The following PARD3 variants were observed in gnomAD, a reference collection of about 807,000 sequenced individuals.
PARD3 encodes partitioning defective 3 homolog.
PARD3 carries 75 observed loss-of-function variants against 155.4 expected under a neutral mutation model. That is an observed-to-expected ratio of 0.48 (90% CI 0.40 to 0.58). The LOEUF (loss-of-function observed/expected upper bound fraction) is 0.58. PARD3 is among the 20% of genes least tolerant of loss of function. The pLI is 0.00. For missense variants in PARD3, 1,642 were observed against 1,721.7 expected, an observed-to-expected ratio of 0.95 and a Z score of 0.82; for synonymous variants, 576 against 610.5, an observed-to-expected ratio of 0.94 and a Z score of 0.83.
chr10:34,545,485 T>C (rs1308277031), intron 2 of PARD3, among the ~76,000 whole-genome samples: 3 of 152,196 alleles, frequency 2.0e-5, no homozygotes, highest in Admixed American at 2.0e-4. Flanking sequence ...AAAAATATTA[T>C]AACTGCCTTA....
intron 24 of PARD3, among the ~76,000 whole-genome samples, chr10:34,115,211 CA>C (rs1003222249): frequency 6.6e-6 from 1 of 152,018 alleles, no homozygotes; most frequent in African/African-American, 2.4e-5. Flanking sequence ...CGGGAGGGTG[CA>C]GAGACACAGC....
At chr10:34,527,025 T>C (rs1385773814) in intron 2 of PARD3, among the ~76,000 whole-genome samples, 2 of 152,228 alleles carry the variant, frequency 1.3e-5, no homozygotes, top group Admixed American at 6.5e-5. Context: ...TGGAAAACTT[T>C]TCATTCTAAA....
At position 34,519,192 on chromosome 10, in the gene PARD3, C is replaced by T. The variant is rs2081974763; in HGVS notation, c.223-2033G>A. 2.0e-5 allele frequency among the ~76,000 whole-genome samples: 3 copies of T among 152,130 alleles called. No individual in the cohort carries two copies. In the South Asian group the frequency reaches 6.2e-4, roughly 32 times the overall value. ...GGAGTCTGAGGAAGAATGAGAACTA[C>T]ATGGAGTGGGAGGATAGAAAAAGGG... On this transcript the variant is annotated intron_variant, in intron 2 of 24. Coordinates refer to ENST00000374788, the MANE Select transcript of PARD3 (RefSeq NM_001184785.2).
chr10:34,375,755 A>T (rs1367249619), intron 10 of PARD3, among the ~76,000 whole-genome samples: 1 of 152,204 alleles, frequency 6.6e-6, no homozygotes, highest in Non-Finnish European at 1.5e-5. Flanking sequence ...CAAAAAAGAC[A>T]TTTTGTCCAA....
intron 1 of PARD3, among the ~76,000 whole-genome samples, chr10:34,787,802 A>G (rs1841163150): frequency 6.6e-6 from 1 of 150,744 alleles, no homozygotes; most frequent in African/African-American, 2.4e-5. Flanking sequence ...CTTTTGAGAC[A>G]GGGTGTCACT....
chr10:34,118,357 A>G (rs1042982175), intron 24 of PARD3, among the ~76,000 whole-genome samples: 4 of 152,162 alleles, frequency 2.6e-5, no homozygotes, highest in African/African-American at 7.2e-5. Flanking sequence ...AAAGAAATTC[A>G]TCTTTTCGAA....
intron 2 of PARD3, among the ~76,000 whole-genome samples, chr10:34,690,994 C>G (rs190643341): frequency 2.6e-5 from 4 of 152,180 alleles, no homozygotes; most frequent in Non-Finnish European, 5.9e-5. Flanking sequence ...AGGAGGAGCA[C>G]TTGAGCCCAC....
chr10:34,798,827 G>A (rs1166191040), intron 1 of PARD3, among the ~76,000 whole-genome samples: 4 of 152,230 alleles, frequency 2.6e-5, no homozygotes, highest in African/African-American at 7.2e-5. Context: ...ACAGTCCAAA[G>A]GCGAGCAGGG....
chr10:34,665,182 A>G (rs535584836), intron 2 of PARD3, among the ~76,000 whole-genome samples: 3 of 152,212 alleles, frequency 2.0e-5, no homozygotes, highest in Non-Finnish European at 4.4e-5. Context: ...GTTTATTAAA[A>G]TAGTAATTCA....
chr10:34,785,833 G>A (rs1049828828), intron 1 of PARD3, among the ~76,000 whole-genome samples: 9 of 151,856 alleles, frequency 5.9e-5, no homozygotes, highest in Non-Finnish European at 1.2e-4. Context: ...TAACATTCCA[G>A]AGAAGAAAAA....
At chr10:34,758,607 T>C (rs1189808032) in intron 1 of PARD3, among the ~76,000 whole-genome samples, 1 of 152,170 alleles carries the variant, frequency 6.6e-6, no homozygotes, top group African/African-American at 2.4e-5. Flanking sequence ...CATTTTCTAG[T>C]TGGGGCACTC....
chr10:34,384,350 T>A lies in PARD3; in HGVS notation c.891-96A>T, dbSNP rs1779150927. Reference sequence around the variant, plus strand: ...TGCTGTTATTATATTTACAAAGATGTCCTTACAAAGGAGCATGTTAAAATG... The same window carrying A: ...TGCTGTTATTATATTTACAAAGATGACCTTACAAAGGAGCATGTTAAAATG... On this transcript the variant is annotated intron_variant, in intron 7 of 24. Coordinates refer to ENST00000374788, the MANE Select transcript of PARD3 (RefSeq NM_001184785.2). 4 of 1,166,436 alleles carry A rather than the reference T, an allele frequency of 3.4e-6. No individual in the cohort carries two copies. In the East Asian group the frequency reaches 9.6e-5, roughly 28 times the overall value. The allele number at this position is 1,166,436 out of a possible 1,614,324, so 72.3% of individuals were successfully genotyped here.
At chr10:34,305,155 T>C (rs1957341718) in intron 20 of PARD3, among the ~76,000 whole-genome samples, 1 of 152,202 alleles carries the variant, frequency 6.6e-6, no homozygotes, top group Non-Finnish European at 1.5e-5. Flanking sequence ...ATTGTCATTA[T>C]AAAAGAAATG....
chr10:34,710,186 G>C (rs1031965721), intron 1 of PARD3, among the ~76,000 whole-genome samples: 1 of 152,096 alleles, frequency 6.6e-6, no homozygotes, highest in African/African-American at 2.4e-5. Flanking sequence ...ACAGGAAACA[G>C]GTTGAACACA....
At chr10:34,679,242 A>G (rs1170284897) in intron 2 of PARD3, among the ~76,000 whole-genome samples, 1 of 152,210 alleles carries the variant, frequency 6.6e-6, no homozygotes, top group African/African-American at 2.4e-5. Flanking sequence ...GGCATCCGGC[A>G]GTGTGGACTC....
intron 22 of PARD3, among the ~76,000 whole-genome samples, chr10:34,220,341 T>C (rs1163216079): frequency 2.0e-5 from 3 of 152,046 alleles, no homozygotes; most frequent in East Asian, 3.8e-4. Context: ...GTTGTGAAAA[T>C]TGCACTTTCA....
chr10:34,326,037 C>T (rs1834989973), intron 19 of PARD3, among the ~76,000 whole-genome samples: 1 of 150,040 alleles, frequency 6.7e-6, no homozygotes, highest in Non-Finnish European at 1.5e-5. Context: ...AGGAGAATTG[C>T]GTGAACCAGG....
At chr10:34,667,491 G>A (rs1300875488) in intron 2 of PARD3, among the ~76,000 whole-genome samples, 2 of 152,152 alleles carry the variant, frequency 1.3e-5, no homozygotes, top group Non-Finnish European at 2.9e-5. Context: ...GGAATTTAAG[G>A]CTACAAAATT....
chr10:34,615,783 T>C (rs193053255), intron 2 of PARD3, among the ~76,000 whole-genome samples: 2 of 152,168 alleles, frequency 1.3e-5, no homozygotes, highest in African/African-American at 4.8e-5. Context: ...GAGAAAATGA[T>C]CTAAATAGAG....
Sources: allele counts gnomAD v4.1 joint callset (sites outside exome capture counted in the v4.1 genomes callset), GRCh38; gene constraint gnomAD v4.1.1; transcripts MANE v1.5; gene names NCBI Gene and HGNC (gene_info 2026-07-23, HGNC 2026-07-21).